The following NELL1 variants were observed in gnomAD, a reference collection of about 807,000 sequenced individuals.
NELL1 encodes the protein protein kinase C-binding protein NELL1.
Under a neutral mutation model 107.4 loss-of-function variants are expected in NELL1, and 76 were observed. The ratio of observed to expected loss-of-function variants is 0.71; its 90% CI spans 0.59 to 0.86. The LOEUF is 0.86. NELL1 is among the 40% of genes least tolerant of loss of function. NELL1 has a pLI of 0.00. For missense variants in NELL1, 1,024 were observed against 1,005.5 expected, an observed-to-expected ratio of 1.02 and a Z score of -0.25; for synonymous variants, 353 against 341.2, an observed-to-expected ratio of 1.03 and a Z score of -0.38.
intron 15 of NELL1, among the ~76,000 whole-genome samples, chr11:21,402,353 T>C (rs1235376541): frequency 6.6e-6 from 1 of 151,806 alleles, no homozygotes; most frequent in East Asian, 1.9e-4. Context: ...ATTGAAGATT[T>C]AAAGCAAGAG....
chr11:21,204,518 T>C (rs1857346414), intron 13 of NELL1, among the ~76,000 whole-genome samples: 2 of 151,970 alleles, frequency 1.3e-5, no homozygotes, highest in South Asian at 2.1e-4. Flanking sequence ...CTCTAACCTT[T>C]TTTCAAGATT....
intron 12 of NELL1, among the ~76,000 whole-genome samples, chr11:21,019,545 A>C (rs1852650076): frequency 6.6e-6 from 1 of 151,968 alleles, no homozygotes; most frequent in Non-Finnish European, 1.5e-5. Flanking sequence ...CTTTCAGGGG[A>C]CATATGAAAA....
At chr11:21,375,175 T>G (rs985666896) in intron 15 of NELL1, among the ~76,000 whole-genome samples, 1 of 152,040 alleles carries the variant, frequency 6.6e-6, no homozygotes, top group African/African-American at 2.4e-5. Context: ...AGAACAGTAC[T>G]CAATAGTTAG....
chr11:21,141,466 T>C (rs1240869682), intron 13 of NELL1, among the ~76,000 whole-genome samples: 1 of 152,182 alleles, frequency 6.6e-6, no homozygotes, highest in East Asian at 1.9e-4. Context: ...TTAACCTCTG[T>C]GTGCCTCACA....
rs1041835359 is a variant in NELL1 at position 21,183,497 on chromosome 11, A to G, written c.1427-45835A>G. Among the ~76,000 whole-genome samples, 9 of 151,964 alleles carry G rather than the reference A, an allele frequency of 5.9e-5. 1 individual carries two copies. Among genetic ancestry groups the G allele is most frequent in the African/African-American group, 2.2e-4 (9 of 41,208 alleles). ...CCCTGTGAATGCTCAAGAGAGCTCCAGTGTTTGCAGAAAAGTTTTACAAAG... is the reference window on the plus strand; with the variant it reads ...CCCTGTGAATGCTCAAGAGAGCTCCGGTGTTTGCAGAAAAGTTTTACAAAG... On this transcript the variant is annotated intron_variant, in intron 13 of 19. Coordinates refer to ENST00000357134, the MANE Select transcript of NELL1 (RefSeq NM_006157.5).
At chr11:21,015,079 T>C (rs1341936642) in intron 12 of NELL1, among the ~76,000 whole-genome samples, 1 of 152,152 alleles carries the variant, frequency 6.6e-6, no homozygotes, top group Non-Finnish European at 1.5e-5. Flanking sequence ...ATTCTCTTTT[T>C]CTTAAGGTAA....
rs576608700 is a variant in NELL1, at chr11:21,412,127, T to A, written c.1645+41179T>A. Among the ~76,000 whole-genome samples the A allele has an allele frequency of 7.9e-5, 12 of 152,238 alleles. 1 individual carries two copies. The South Asian group carries it at 2.5e-3, about 32-fold the overall frequency. On this transcript the variant is annotated intron_variant, in intron 15 of 19. Transcript: ENST00000357134. ...GGCATTCTCAAATTCAAGGAAAATA[T>A]CACTCTTTGTTTTCAAAACAGATTA...
intron 13 of NELL1, among the ~76,000 whole-genome samples, chr11:21,150,044 C>T (rs1418904707): frequency 2.0e-5 from 3 of 151,884 alleles, no homozygotes; most frequent in South Asian, 2.1e-4. Flanking sequence ...GTGCAAAAAC[C>T]GAGGAGGAGA....
At chr11:21,128,541 TCTTA>T (rs1855540987) in intron 13 of NELL1, among the ~76,000 whole-genome samples, 1 of 152,120 alleles carries the variant, frequency 6.6e-6, no homozygotes, top group African/African-American at 2.4e-5. Flanking sequence ...CCTGGAGAAA[TCTTA>T]CTTGTGAATC....
At chr11:20,677,399 A>G (rs562960924) in intron 1 of NELL1, among the ~76,000 whole-genome samples, 11 of 152,324 alleles carry the variant, frequency 7.2e-5, no homozygotes, top group African/African-American at 2.4e-4. Context: ...CACCACCTCT[A>G]TAAAGCTTGG....
chr11:21,205,641 T>A (rs1215955028), intron 13 of NELL1, among the ~76,000 whole-genome samples: 1 of 152,176 alleles, frequency 6.6e-6, no homozygotes, highest in African/African-American at 2.4e-5. Context: ...CTTGCCGGTG[T>A]TCCAGGTGCC....
chr11:21,249,833 GT>G (rs1318919440), intron 14 of NELL1, among the ~76,000 whole-genome samples: 2 of 152,150 alleles, frequency 1.3e-5, no homozygotes, highest in Non-Finnish European at 1.5e-5. Flanking sequence ...GTAACTGTCA[GT>G]TAAGTAAGGA....
intron 2 of NELL1, among the ~76,000 whole-genome samples, chr11:20,712,511 C>T (rs1375717032): frequency 6.6e-6 from 1 of 152,148 alleles, no homozygotes; most frequent in East Asian, 1.9e-4. Context: ...GGATCCATTG[C>T]TGGGGAGCTA....
chr11:20,941,555 C>T (rs1439730437), intron 10 of NELL1, among the ~76,000 whole-genome samples: 1 of 152,094 alleles, frequency 6.6e-6, no homozygotes, highest in Non-Finnish European at 1.5e-5. Context: ...CCTCACCATT[C>T]CCACTGCAAC....
intron 16 of NELL1, among the ~76,000 whole-genome samples, chr11:21,556,394 A>G (rs1015686998): frequency 6.6e-6 from 1 of 152,012 alleles, no homozygotes; most frequent in Non-Finnish European, 1.5e-5. Flanking sequence ...TGTTGGTAAA[A>G]TGTTTACTTT....
At chr11:20,733,918 TAAATATATAATAAGACTC>T (rs1855703785) in intron 2 of NELL1, among the ~76,000 whole-genome samples, 1 of 151,558 alleles carries the variant, frequency 6.6e-6, no homozygotes, top group Admixed American at 6.6e-5. Flanking sequence ...AGTAGACAAA[TAAATATATAATAAGACTC>T]TGTTAGTGAC....
chr11:20,922,542 A>G (rs1398266519), intron 7 of NELL1, among the ~76,000 whole-genome samples: 2 of 152,022 alleles, frequency 1.3e-5, no homozygotes, highest in Non-Finnish European at 2.9e-5. Flanking sequence ...GCAGATGCAA[A>G]AAGAATTCTA....
chr11:21,367,261 TAC>T (rs72275889), intron 14 of NELL1, among the ~76,000 whole-genome samples: 13,791 of 145,058 alleles, frequency 0.095, 676 homozygotes, highest in Admixed American at 0.14. Flanking sequence ...TTTATCTTAC[TAC>T]ACACACACAC....
intron 15 of NELL1, among the ~76,000 whole-genome samples, chr11:21,527,242 C>T (rs1377058177): frequency 6.6e-6 from 1 of 152,152 alleles, no homozygotes; most frequent in Non-Finnish European, 1.5e-5. Context: ...TCTGAGACCA[C>T]CTCAGCCTGG....
Sources: gnomAD v4.1 joint callset for allele counts (sites outside exome capture counted in the v4.1 genomes callset) on GRCh38, gnomAD v4.1.1 for gene constraint, MANE v1.5 for transcripts, NCBI Gene and HGNC (gene_info 2026-07-23, HGNC 2026-07-21) for gene names.